Variants in COL5A2 observed in about 807,000 individuals in gnomAD.
The protein encoded by COL5A2 is collagen alpha-2(V) chain.
A neutral mutation model predicts 208.2 loss-of-function variants in COL5A2; 23 were observed. The ratio of observed to expected loss-of-function variants is 0.11; its 90% CI spans 0.08 to 0.16. The LOEUF is 0.16. COL5A2 is among the 10% of genes least tolerant of loss of function. The pLI is 1.00. For synonymous variants in COL5A2, 625 were observed against 628.5 expected, an observed-to-expected ratio of 0.99 and a Z score of 0.08; for missense variants, 1,590 against 1,956.4, an observed-to-expected ratio of 0.81 and a Z score of 3.53.
At chr2:189,034,300 T>C (rs1685398944) in intron 53 of COL5A2, 84 bp from the exon 54 acceptor site, 9 of 1,442,578 alleles carry the variant, frequency 6.2e-6, no homozygotes, top group Non-Finnish European at 8.7e-6. Context: ...GACACTTTTA[T>C]AATGTAAAGG....
chr2:189,282,282 C>T, the COL5A2 span, among the ~76,000 whole-genome samples: 1 of 152,020 alleles, frequency 6.6e-6, no homozygotes, highest in African/African-American at 2.4e-5. Flanking sequence ...TACATAATTT[C>T]TATGCCTCTA....
chr2:189,342,627 TACAGAGAGCTAAAACACACAC>T, the COL5A2 span, among the ~76,000 whole-genome samples: 17 of 126,018 alleles, frequency 1.3e-4, no homozygotes, highest in Non-Finnish European at 2.3e-4. Context: ...GCTACAGTGT[TACAGAGAGCTAAAACACACAC>T]ACACACACAC....
the COL5A2 span, among the ~76,000 whole-genome samples, chr2:189,414,952 A>T: frequency 2.0e-5 from 3 of 152,134 alleles, no homozygotes; most frequent in Non-Finnish European, 4.4e-5. Flanking sequence ...ATTAGAATTA[A>T]ATAATAGGTG....
chr2:189,163,532 T>C (rs1688410887), intron 1 of COL5A2, among the ~76,000 whole-genome samples: 1 of 152,240 alleles, frequency 6.6e-6, no homozygotes, highest in African/African-American at 2.4e-5. Flanking sequence ...GAAAAGCAGA[T>C]CAATTTACAA....
At chr2:189,279,661 GAT>G in the COL5A2 span, among the ~76,000 whole-genome samples, 1 of 151,698 alleles carries the variant, frequency 6.6e-6, no homozygotes, top group African/African-American at 2.4e-5. Context: ...AGTATTATAA[GAT>G]AGTTTATTTT....
At chr2:189,275,739 C>T in the COL5A2 span, among the ~76,000 whole-genome samples, 9 of 152,274 alleles carry the variant, frequency 5.9e-5, no homozygotes, top group Middle Eastern at 3.4e-3. Context: ...GCATGAGCCA[C>T]TGCACCCGTC....
chr2:189,237,817 C>T, the COL5A2 span, among the ~76,000 whole-genome samples: 13 of 151,710 alleles, frequency 8.6e-5, no homozygotes, highest in African/African-American at 2.2e-4. Flanking sequence ...TTAAATGTGG[C>T]GAAGTAATTA....
chr2:189,233,748 G>C, the COL5A2 span, among the ~76,000 whole-genome samples: 1 of 151,592 alleles, frequency 6.6e-6, no homozygotes, highest in Non-Finnish European at 1.5e-5. Flanking sequence ...ATTTTAAAGC[G>C]AGTCACAGCT....
At chr2:189,037,752 T>A (rs1434747616) in intron 51 of COL5A2, among the ~76,000 whole-genome samples, 2 of 152,128 alleles carry the variant, frequency 1.3e-5, no homozygotes, top group African/African-American at 2.4e-5. Context: ...ATTCCAAAAG[T>A]ATGACTCATA....
intron 33 of COL5A2, among the ~76,000 whole-genome samples, chr2:189,057,675 A>G (rs1685931398): frequency 6.6e-6 from 1 of 152,222 alleles, no homozygotes; most frequent in East Asian, 1.9e-4. Context: ...CGCTATTTCA[A>G]ATAAAAAGGA....
intron 1 of COL5A2, among the ~76,000 whole-genome samples, chr2:189,168,087 A>G (rs567709228): frequency 4.6e-5 from 7 of 151,624 alleles, no homozygotes; most frequent in Non-Finnish European, 8.8e-5. Context: ...ACAGGCGCCC[A>G]CCACCACGCC....
intron 22 of COL5A2, 111 bp downstream of exon 22, chr2:189,066,618 C>A: frequency 7.5e-7 from 1 of 1,331,986 alleles, no homozygotes; most frequent in East Asian, 2.3e-5. Context: ...GAGATATTTT[C>A]ATCTCAAGCT....
the COL5A2 span, among the ~76,000 whole-genome samples, chr2:189,355,925 T>C: frequency 6.6e-6 from 1 of 152,242 alleles, no homozygotes; most frequent in Non-Finnish European, 1.5e-5. Context: ...CGGTTGTTCC[T>C]TTCCATGTTT....
At chr2:189,187,728 T>A (rs984767500) in intron 1 of COL5A2, among the ~76,000 whole-genome samples, 1 of 152,116 alleles carries the variant, frequency 6.6e-6, no homozygotes, top group Non-Finnish European at 1.5e-5. Flanking sequence ...CCCAGCACTT[T>A]GGGAGGCCGA....
chr2:189,372,302 A>G, the COL5A2 span, among the ~76,000 whole-genome samples: 12 of 152,344 alleles, frequency 7.9e-5, no homozygotes, highest in East Asian at 2.3e-3. Context: ...GAATTCTCTA[A>G]GACCAGTAGT....
chr2:189,054,747 A>G (rs1212465457), intron 35 of COL5A2, among the ~76,000 whole-genome samples: 1 of 131,162 alleles, frequency 7.6e-6, no homozygotes, highest in South Asian at 2.3e-4. Flanking sequence ...CCCAGAATGG[A>G]GTGCAGTAGC....
chr2:189,158,038 T>C lies in COL5A2; in HGVS notation c.97+21470A>G, dbSNP rs187237588. Among the ~76,000 whole-genome samples the C allele has an allele frequency of 3.3e-5, 5 of 152,098 alleles. No individual in the cohort carries two copies. The East Asian group carries it at 7.7e-4, about 24-fold the overall frequency. On this transcript the variant is annotated intron_variant, in intron 1 of 53. Transcript: ENST00000374866. Reference sequence around the variant, plus strand: ...ACAGCCTAGCACAATACCTGAAACATAGTACAGGTCCAATAAATATTTTCT... The same window carrying C: ...ACAGCCTAGCACAATACCTGAAACACAGTACAGGTCCAATAAATATTTTCT...
Position 189,059,945 on chromosome 2 carries a change from A to C in COL5A2, c.2085+785T>G, listed in dbSNP as rs1441596906. On this transcript the variant is annotated intron_variant, in intron 31 of 53. Coordinates refer to ENST00000374866, the MANE Select transcript of COL5A2 (RefSeq NM_000393.5). Reference sequence around the variant, plus strand: ...ATGAAGAACAAATTAGAATCAAATTAAAGCCCTCCATAATCAGGCCCCTGA... The same window carrying C: ...ATGAAGAACAAATTAGAATCAAATTCAAGCCCTCCATAATCAGGCCCCTGA... Among the ~76,000 whole-genome samples the C allele has an allele frequency of 2.0e-5, 3 of 152,038 alleles. No individual in the cohort carries two copies. In the East Asian group the frequency reaches 5.8e-4, roughly 29 times the overall value.
At chr2:189,418,410 C>T in the COL5A2 span, among the ~76,000 whole-genome samples, 1 of 152,166 alleles carries the variant, frequency 6.6e-6, no homozygotes, top group African/African-American at 2.4e-5. Context: ...AAAGTTATCA[C>T]TTAGTCTTTT....
Sources: gnomAD v4.1 joint callset for allele counts (sites outside exome capture counted in the v4.1 genomes callset) on GRCh38, gnomAD v4.1.1 for gene constraint, MANE v1.5 for transcripts, NCBI Gene and HGNC (gene_info 2026-07-23, HGNC 2026-07-21) for gene names.